Variants in STOX2 observed in about 807,000 individuals in gnomAD.
The protein encoded by STOX2 is storkhead box 2, also known as storkhead-box protein 2.
STOX2 carries 28 observed loss-of-function variants against 60.9 expected under a neutral mutation model. The ratio of observed to expected loss-of-function variants is 0.46; its 90% confidence interval spans 0.34 to 0.63. The LOEUF (loss-of-function observed/expected upper bound fraction) is 0.63, where lower values mean the gene tolerates loss of function less well. Ranked by LOEUF, STOX2 falls within the 30% of genes least tolerant of loss-of-function variation. STOX2 has a pLI of 0.01. For synonymous variants in STOX2, 472 were observed against 463.9 expected (o/e 1.02, Z -0.22); for missense variants, 1,024 against 1,187.7 (o/e 0.86, Z 2.03).
rs761715368 is a variant in STOX2, at chr4:183,836,359, A to T, written c.364+38304A>T. ...CAGCAGCAACAGTGGTCTGAGGACCACTAAAAATAAACATAAGGAGTGTCA... is the reference window on the plus strand; with the variant it reads ...CAGCAGCAACAGTGGTCTGAGGACCTCTAAAAATAAACATAAGGAGTGTCA... On this transcript the variant is annotated intron_variant, in intron 1 of 2. Transcript: ENST00000513034. The surrounding 1 kb of genome is among the most constrained non-coding windows in gnomAD (Gnocchi z 4.1). 1.8e-4 allele frequency among the ~76,000 whole-genome samples: 28 copies of T among 152,226 alleles called. No individual in the cohort carries two copies. Among genetic ancestry groups the T allele is most frequent in the Non-Finnish European group, 2.8e-4 (19 of 68,038 alleles).
At chr4:183,798,922 A>AGC in intron 1 of STOX2, 1 of 142,836 alleles carries the variant, frequency 7.0e-6, no homozygotes, top group East Asian at 3.7e-4. Context: ...ACTATTACAT[A>AGC]GTAAATAGTA....
intron 1 of STOX2, among the ~76,000 whole-genome samples, chr4:183,953,275 T>C (rs184096916): frequency 3.9e-5 from 6 of 152,316 alleles, no homozygotes; most frequent in East Asian, 1.9e-4. Context: ...TAGTGTTTTA[T>C]GGGATTTCCT....
At chr4:183,898,166 T>C (rs1741379242) in intron 1 of STOX2, among the ~76,000 whole-genome samples, 1 of 152,172 alleles carries the variant, frequency 6.6e-6, no homozygotes. Flanking sequence ...GCTTCCGCCC[T>C]CCCTCTCCTT....
chr4:183,886,816 C>T (rs1721304102), intron 1 of STOX2, among the ~76,000 whole-genome samples: 1 of 152,204 alleles, frequency 6.6e-6, no homozygotes, highest in African/African-American at 2.4e-5. Flanking sequence ...CAACCCCACT[C>T]TGCCATCTTT....
intron 1 of STOX2, among the ~76,000 whole-genome samples, chr4:183,939,972 C>T (rs1280069469): frequency 1.3e-5 from 2 of 152,220 alleles, no homozygotes; most frequent in Non-Finnish European, 2.9e-5. Context: ...GGCACGATCT[C>T]AGCTCACTGC....
intron 1 of STOX2, among the ~76,000 whole-genome samples, chr4:183,980,563 G>A (rs1217935451): frequency 6.6e-6 from 1 of 152,112 alleles, no homozygotes; most frequent in Non-Finnish European, 1.5e-5. Flanking sequence ...GGTTCAACTG[G>A]GGACTGTGAG....
chr4:183,829,990 G>T (rs1280626238), intron 1 of STOX2, among the ~76,000 whole-genome samples: 1 of 152,186 alleles, frequency 6.6e-6, no homozygotes, highest in African/African-American at 2.4e-5. Context: ...TCTTCTTGCA[G>T]GTATGAGTGA....
intron 2 of STOX2, among the ~76,000 whole-genome samples, chr4:184,006,031 T>C (rs1733810277): frequency 6.6e-6 from 1 of 152,208 alleles, no homozygotes; most frequent in African/African-American, 2.4e-5. Flanking sequence ...TTGTTTTTAA[T>C]GGTAAGTAAA....
At chr4:183,809,227 A>G (rs902190358) in intron 1 of STOX2, among the ~76,000 whole-genome samples, 1 of 151,650 alleles carries the variant, frequency 6.6e-6, no homozygotes, top group Non-Finnish European at 1.5e-5. Flanking sequence ...GGCTACAGGC[A>G]TGAGCCACCA....
chr4:183,842,489 T>G (rs1241157073), intron 1 of STOX2, among the ~76,000 whole-genome samples: 1 of 152,312 alleles, frequency 6.6e-6, no homozygotes, highest in African/African-American at 2.4e-5. Flanking sequence ...TTGATTTCGC[T>G]AACCCCAGGA....
At chr4:184,016,646 T>C (rs1041375230) in intron 3 of STOX2, among the ~76,000 whole-genome samples, 4 of 152,126 alleles carry the variant, frequency 2.6e-5, no homozygotes, top group African/African-American at 9.7e-5. Context: ...TAATCCAGAA[T>C]GAAAATGGAA....
rs539657340 is a variant in STOX2, at chr4:184,000,923, G to A, written c.167-402G>A. ...CCGTTCCCCCAGCAGACACGTAAAC[G>A]CGTTCAATGTGTGAATGAATGAATC... On this transcript the variant is annotated intron_variant, in intron 1 of 3. Transcript: ENST00000308497. 1.1e-4 allele frequency among the ~76,000 whole-genome samples: 17 copies of A among 152,324 alleles called. No individual in the cohort carries two copies. In the South Asian group the frequency reaches 1.7e-3, roughly 15 times the overall value.
chr4:183,934,474 T>C (rs1283201457), intron 1 of STOX2, among the ~76,000 whole-genome samples: 1 of 152,216 alleles, frequency 6.6e-6, no homozygotes, highest in East Asian at 1.9e-4. Flanking sequence ...TTAGAAACTT[T>C]AGATAGCCTA....
chr4:183,820,114 G>A (rs1246099254), intron 1 of STOX2, among the ~76,000 whole-genome samples: 1 of 151,946 alleles, frequency 6.6e-6, no homozygotes, highest in Non-Finnish European at 1.5e-5. Context: ...TTTAAGAGAT[G>A]GGGTTTCACC....
At chr4:183,983,923 C>T (rs1579503961) in intron 1 of STOX2, among the ~76,000 whole-genome samples, 1 of 152,162 alleles carries the variant, frequency 6.6e-6, no homozygotes, top group Non-Finnish European at 1.5e-5. Context: ...GGATTACAGG[C>T]ATGAGCCACC....
At chr4:183,798,717 C>T (rs1349516714) in intron 1 of STOX2, 7 of 985,238 alleles carry the variant, frequency 7.1e-6, no homozygotes, top group African/African-American at 1.7e-5. Flanking sequence ...AAAATCTGAT[C>T]CTCAACAAAA....
intron 1 of STOX2, among the ~76,000 whole-genome samples, chr4:183,908,486 C>T (rs927255705): frequency 6.6e-5 from 10 of 152,112 alleles, no homozygotes; most frequent in African/African-American, 2.2e-4. Context: ...CCTAAGGAAC[C>T]GGTCCTGACA....
chr4:183,848,399 T>C (rs1740033935), intron 1 of STOX2, among the ~76,000 whole-genome samples: 1 of 152,184 alleles, frequency 6.6e-6, no homozygotes, highest in South Asian at 2.1e-4. Context: ...TTTAGAACGT[T>C]GGAACAGAAA....
intron 1 of STOX2, among the ~76,000 whole-genome samples, chr4:183,959,747 A>G (rs577147416): frequency 2.6e-5 from 4 of 152,342 alleles, no homozygotes; most frequent in African/African-American, 9.6e-5. Flanking sequence ...ATAAATATCT[A>G]TGCTGAATTG....
Sources: allele counts gnomAD v4.1 joint callset (sites outside exome capture counted in the v4.1 genomes callset), GRCh38; gene constraint gnomAD v4.1.1; non-coding constraint Gnocchi (gnomAD v3.1); transcripts MANE v1.5; gene names NCBI Gene and HGNC (gene_info 2026-07-23, HGNC 2026-07-21).